PDE10A: variants seen among roughly 807,000 people sequenced by gnomAD.
PDE10A encodes cAMP and cAMP-inhibited cGMP 3',5'-cyclic phosphodiesterase 10A.
Under a neutral mutation model 97.7 loss-of-function variants are expected in PDE10A, and 39 were observed. The observed-to-expected ratio is 0.40, with a 90% CI of 0.31 to 0.52. PDE10A has a LOEUF of 0.52. Ranked by LOEUF, PDE10A falls within the 20% of genes least tolerant of loss-of-function variation. The probability of loss-of-function intolerance (pLI) is 0.56; values close to 1 mark genes in which losing one functional copy is unlikely to be tolerated. For missense variants in PDE10A, 731 were observed against 1,047.8 expected, an observed-to-expected ratio of 0.70 and a Z score of 4.17; for synonymous variants, 371 against 376.8, an observed-to-expected ratio of 0.98 and a Z score of 0.18.
intron 1 of PDE10A, among the ~76,000 whole-genome samples, chr6:165,722,612 T>C (rs576456600): frequency 4.3e-4 from 66 of 152,312 alleles, no homozygotes; most frequent in African/African-American, 1.6e-3. Context: ...TCTCTATCTC[T>C]CTCAAAATTC....
intron 1 of PDE10A, among the ~76,000 whole-genome samples, chr6:165,619,879 AT>A (rs1285425787): frequency 1.8e-4 from 28 of 152,200 alleles, no homozygotes; most frequent in Admixed American, 1.3e-3. Context: ...ACTTGCTGCC[AT>A]TTATAATGGC....
At chr6:165,632,110 G>A (rs1003655318) in intron 1 of PDE10A, among the ~76,000 whole-genome samples, 16 of 141,472 alleles carry the variant, frequency 1.1e-4, no homozygotes, top group Non-Finnish European at 6.0e-5. Context: ...TGAGGCAGGA[G>A]AATCACTTGA....
intron 1 of PDE10A, among the ~76,000 whole-genome samples, chr6:165,855,439 G>C (rs1425794471): frequency 6.6e-6 from 1 of 151,660 alleles, no homozygotes; most frequent in Non-Finnish European, 1.5e-5. Flanking sequence ...CAGGGTGGAC[G>C]TGAGTCTGCC....
chr6:165,776,013 C>G (rs1033108476), intron 1 of PDE10A, among the ~76,000 whole-genome samples: 2 of 151,974 alleles, frequency 1.3e-5, no homozygotes, highest in Non-Finnish European at 2.9e-5. Flanking sequence ...TGATTTTATT[C>G]GATTGGTATG....
chr6:165,825,558 C>T (rs1009893737), intron 1 of PDE10A, among the ~76,000 whole-genome samples: 1 of 152,198 alleles, frequency 6.6e-6, no homozygotes, highest in African/African-American at 2.4e-5. Context: ...CAAAAGGCTC[C>T]TGCTGGGCCT....
At chr6:165,503,546 G>A (rs780588083) in intron 2 of PDE10A, among the ~76,000 whole-genome samples, 3 of 152,174 alleles carry the variant, frequency 2.0e-5, no homozygotes, top group African/African-American at 7.2e-5. Flanking sequence ...CCTTGGAAAC[G>A]TGGCACGAGA....
intron 1 of PDE10A, among the ~76,000 whole-genome samples, chr6:165,843,735 A>C (rs1780325223): frequency 6.6e-6 from 1 of 152,170 alleles, no homozygotes; most frequent in South Asian, 2.1e-4. Context: ...CACAGCAGAG[A>C]GGGGAATGTT....
intron 1 of PDE10A, among the ~76,000 whole-genome samples, chr6:165,923,032 C>T (rs1782799355): frequency 6.6e-6 from 1 of 152,178 alleles, no homozygotes; most frequent in Non-Finnish European, 1.5e-5. Context: ...AGGAAAACAC[C>T]CTAGCCCACT....
intron 1 of PDE10A, among the ~76,000 whole-genome samples, chr6:165,746,815 C>T (rs758647248): frequency 1.3e-5 from 2 of 152,106 alleles, no homozygotes; most frequent in Non-Finnish European, 2.9e-5. Flanking sequence ...TTTCAAAATA[C>T]GGATATATAT....
upstream of PDE10A, among the ~76,000 whole-genome samples, chr6:165,667,777 G>A (rs552678907): frequency 7.9e-5 from 12 of 152,064 alleles, no homozygotes; most frequent in Admixed American, 3.9e-4. Flanking sequence ...CATAATGGCC[G>A]TATGTAGCCA....
chr6:165,922,019 T>C (rs1216796198), intron 1 of PDE10A, among the ~76,000 whole-genome samples: 2 of 152,106 alleles, frequency 1.3e-5, no homozygotes, highest in East Asian at 3.9e-4. Context: ...TAGGTAGATG[T>C]GGACATAGTG....
chr6:165,634,997 T>C (rs941338402), intron 1 of PDE10A, among the ~76,000 whole-genome samples: 31 of 152,212 alleles, frequency 2.0e-4, no homozygotes, highest in African/African-American at 6.8e-4. Flanking sequence ...TGGGAAGTGG[T>C]TGGACTACTA....
chr6:165,641,387 G>A (rs1583697807), intron 1 of PDE10A, among the ~76,000 whole-genome samples: 1 of 152,052 alleles, frequency 6.6e-6, no homozygotes, highest in Admixed American at 6.6e-5. Context: ...CTCATAAAAA[G>A]GTAAAATATC....
At chr6:165,337,986 A>G (rs925726904) in intron 20 of PDE10A, among the ~76,000 whole-genome samples, 1 of 152,386 alleles carries the variant, frequency 6.6e-6, no homozygotes, top group South Asian at 2.1e-4. Context: ...TCTCAAATAC[A>G]ATATGAAAAG....
intron 1 of PDE10A, among the ~76,000 whole-genome samples, chr6:165,743,975 T>A (rs749492532): frequency 1.3e-5 from 2 of 152,208 alleles, no homozygotes; most frequent in Non-Finnish European, 2.9e-5. Flanking sequence ...GTGTGAGGGG[T>A]AGGTACTTAA....
chr6:165,336,160 T>G lies in PDE10A; in HGVS notation c.3028A>C (p.Ile1010Leu), dbSNP rs370397127. 4 of 1,613,766 alleles carry G rather than the reference T, an allele frequency of 2.5e-6. No individual in the cohort carries two copies. The African/African-American group carries it at 5.3e-5, about 22-fold the overall frequency. ...AGAAGAGGCTCCGTGGGAGGGAGGATCTGGGTAAGGGTTGTATAGCAGGGA... is the reference window on the plus strand; with the variant it reads ...AGAAGAGGCTCCGTGGGAGGGAGGAGCTGGGTAAGGGTTGTATAGCAGGGA... ...AIPCYTTLTQ[I>L]LPPTEPLLKA... The change falls in exon 21 of 22, where the codon ATC becomes CTC. Residue 1010 changes from isoleucine (I) to leucine (L), a missense_variant. This residue lies in a region of PDE10A where 96 missense variants were observed against 156.7 expected (regional missense o/e 0.61). Transcript: ENST00000539869.
chr6:165,809,612 C>T (rs1241319209), intron 1 of PDE10A, among the ~76,000 whole-genome samples: 1 of 152,100 alleles, frequency 6.6e-6, no homozygotes, highest in African/African-American at 2.4e-5. Flanking sequence ...TCTGAGTGGC[C>T]AATGTAGAGC....
intron 1 of PDE10A, chr6:165,894,286 AT>A: frequency 4.4e-6 from 2 of 456,086 alleles, no homozygotes; most frequent in Non-Finnish European, 8.8e-6. Context: ...GCCCGAGAAG[AT>A]GTGTTGATCC....
intron 1 of PDE10A, chr6:165,948,253 G>A (rs1375199930): frequency 2.6e-5 from 4 of 152,162 alleles, no homozygotes; most frequent in African/African-American, 7.2e-5. Context: ...ATCAAGTGCA[G>A]GTGGAGAGAC....
Sources: gnomAD v4.1 joint callset for allele counts (sites outside exome capture counted in the v4.1 genomes callset) on GRCh38, gnomAD v4.1.1 for gene constraint, gnomAD v4.1.1 regional missense constraint, MANE v1.5 for transcripts, NCBI Gene and HGNC (gene_info 2026-07-23, HGNC 2026-07-21) for gene names.